The following PTPRG variants were observed in gnomAD, a reference collection of about 807,000 sequenced individuals.
The protein encoded by PTPRG is receptor-type tyrosine-protein phosphatase gamma.
PTPRG carries 102 observed loss-of-function variants against 165.3 expected under a neutral mutation model. The ratio of observed to expected loss-of-function variants is 0.62; its 90% CI spans 0.53 to 0.73. The LOEUF (loss-of-function observed/expected upper bound fraction) is 0.73. Ranked by LOEUF, PTPRG falls within the 30% of genes least tolerant of loss-of-function variation. PTPRG has a pLI of 0.00. For missense variants in PTPRG, 1,866 were observed against 1,861.4 expected, an observed-to-expected ratio of 1.00 and a Z score of -0.05; for synonymous variants, 675 against 669.5, an observed-to-expected ratio of 1.01 and a Z score of -0.13.
rs181195451 is a variant in PTPRG, at chr3:61,577,658, T to C, written c.85+15286T>C. On this transcript the variant is annotated intron_variant, in intron 1 of 29. Coordinates refer to ENST00000474889, the MANE Select transcript of PTPRG (RefSeq NM_002841.4). ...CTACCATAAAATTTTAAATTACACATGTGGCTCGCATTTGTAGCTCGCATT... is the reference window on the plus strand; with the variant it reads ...CTACCATAAAATTTTAAATTACACACGTGGCTCGCATTTGTAGCTCGCATT... Among the ~76,000 whole-genome samples, 6 of 152,346 alleles carry C rather than the reference T, an allele frequency of 3.9e-5. No individual in the cohort carries two copies. In the East Asian group the frequency reaches 1.2e-3, roughly 29 times the overall value.
At chr3:61,926,053 C>T in intron 2 of PTPRG, 3 of 425,742 alleles carry the variant, frequency 7.0e-6, no homozygotes, top group South Asian at 3.4e-5. Context: ...ATAGAAACCG[C>T]ATTTTAGCAA....
intron 1 of PTPRG, among the ~76,000 whole-genome samples, chr3:61,630,152 T>C (rs1701728807): frequency 6.6e-6 from 1 of 152,202 alleles, no homozygotes; most frequent in Non-Finnish European, 1.5e-5. Flanking sequence ...TAGATGATAT[T>C]ATTGGTTCAA....
chr3:62,087,302 G>T (rs1200774357), intron 5 of PTPRG, among the ~76,000 whole-genome samples: 1 of 152,104 alleles, frequency 6.6e-6, no homozygotes, highest in East Asian at 1.9e-4. Flanking sequence ...CCTAGATTTG[G>T]TCTTCCTGGA....
Position 61,766,616 on chromosome 3 carries a change from A to T in PTPRG, c.190+17634A>T, listed in dbSNP as rs113351585. Among the ~76,000 whole-genome samples the T allele has an allele frequency of 7.1e-3, 1,055 of 148,126 alleles. 5 individuals carry two copies. Among genetic ancestry groups the T allele is most frequent in the Admixed American group, 0.012 (172 of 14,830 alleles). ...TAACACCATTATTAATGTTAAAAAA[A>T]ATTTTTTTTTTTTTTCGTTTAAGAC... On this transcript the variant is annotated intron_variant, in intron 2 of 29. Coordinates refer to ENST00000474889, the MANE Select transcript of PTPRG (RefSeq NM_002841.4).
intron 2 of PTPRG, among the ~76,000 whole-genome samples, chr3:61,864,711 G>A (rs2037358920): frequency 1.3e-5 from 2 of 152,136 alleles, no homozygotes; most frequent in Non-Finnish European, 2.9e-5. Flanking sequence ...AATAACACAG[G>A]CGTTTTAAGG....
chr3:61,880,056 G>A (rs965926957), intron 2 of PTPRG, among the ~76,000 whole-genome samples: 1 of 152,142 alleles, frequency 6.6e-6, no homozygotes, highest in African/African-American at 2.4e-5. Flanking sequence ...ACTGCATTCT[G>A]TCATGAGACA....
intron 5 of PTPRG, among the ~76,000 whole-genome samples, chr3:62,131,541 A>G (rs1037977289): frequency 4.6e-5 from 7 of 152,250 alleles, no homozygotes; most frequent in African/African-American, 1.7e-4. Flanking sequence ...GGATTGTGCT[A>G]CACAGTGAAA....
At chr3:62,231,116 G>A in intron 13 of PTPRG, 109 bp from the exon 14 acceptor site, 1 of 738,912 alleles carries the variant, frequency 1.4e-6, no homozygotes, top group Admixed American at 4.0e-5. Flanking sequence ...CCTGATGACG[G>A]GGTCTGTCTG....
At chr3:62,159,509 G>A (rs1704665663) in intron 7 of PTPRG, among the ~76,000 whole-genome samples, 1 of 152,118 alleles carries the variant, frequency 6.6e-6, no homozygotes, top group Non-Finnish European at 1.5e-5. Context: ...ACAGTTTGGG[G>A]CTTGGATGTT....
rs1443163539 is a variant in PTPRG, at chr3:62,294,909, A to G, written c.*1602A>G. 2 of 152,104 alleles carry G rather than the reference A, an allele frequency of 1.3e-5. No individual in the cohort carries two copies. Among genetic ancestry groups the G allele is most frequent in the Admixed American group, 1.3e-4 (2 of 15,244 alleles). 9.4% of individuals were successfully genotyped at this position (152,104 alleles called of 1,614,324 possible). On this transcript the variant is annotated 3_prime_UTR_variant, in exon 30 of 30. Coordinates refer to ENST00000474889, the MANE Select transcript of PTPRG (RefSeq NM_002841.4). ...GATGATCAGCACTGAGGTTCTATTT[A>G]TCTTGATTTGGCTTTCATAAAGTTT...
intron 7 of PTPRG, among the ~76,000 whole-genome samples, chr3:62,160,644 GTTTTC>G (rs1704719670): frequency 6.6e-6 from 1 of 152,224 alleles, no homozygotes; most frequent in South Asian, 2.1e-4. Flanking sequence ...ACTAGGATTT[GTTTTC>G]TTCTAGAATA....
chr3:62,222,242 C>G lies in PTPRG; in HGVS notation c.2288+3259C>G, dbSNP rs1700668469. On this transcript the variant is annotated intron_variant, in intron 13 of 29. Transcript: ENST00000474889. This position sits in a 1 kb window ranked among gnomAD's most constrained non-coding sequence, Gnocchi z 4.5. ...GTTTGATTCATGGAATTGAGAAGTT[C>G]AGGAGCATTGGGCCTGGCTGAATTT... Among the ~76,000 whole-genome samples, 1 of 152,134 alleles carries G rather than the reference C, an allele frequency of 6.6e-6. No individual in the cohort carries two copies. The highest frequency in any genetic ancestry group is 1.5e-5 in the Non-Finnish European group (1 of 68,032).
At chr3:61,742,865 T>C (rs942826816) in intron 1 of PTPRG, 6 of 1,559,236 alleles carry the variant, frequency 3.8e-6, no homozygotes, top group African/African-American at 1.4e-5. Flanking sequence ...ATGTGGGGGA[T>C]ATCCACGGCC....
chr3:61,571,745 T>A (rs1700061688), intron 1 of PTPRG, among the ~76,000 whole-genome samples: 1 of 152,176 alleles, frequency 6.6e-6, no homozygotes, highest in Admixed American at 6.5e-5. Context: ...AATGCGGTAT[T>A]TTTACTGTCC....
At chr3:61,868,368 G>A (rs2037468779) in intron 2 of PTPRG, among the ~76,000 whole-genome samples, 1 of 152,142 alleles carries the variant, frequency 6.6e-6, no homozygotes, top group Non-Finnish European at 1.5e-5. Context: ...CTAGAAGAAA[G>A]GCATCATATC....
chr3:61,862,541 C>T (rs1273750833), intron 2 of PTPRG, among the ~76,000 whole-genome samples: 1 of 152,042 alleles, frequency 6.6e-6, no homozygotes, highest in Non-Finnish European at 1.5e-5. Context: ...GCATGCACCA[C>T]CACGCCCAGC....
chr3:61,924,038 A>G (rs908800444), intron 2 of PTPRG, among the ~76,000 whole-genome samples: 2 of 152,204 alleles, frequency 1.3e-5, no homozygotes, highest in African/African-American at 2.4e-5. Flanking sequence ...TTCTTATGCT[A>G]TAGAAAGCTA....
At chr3:61,752,785 C>CGAAAAAAAAAA (rs2033483306) in intron 2 of PTPRG, among the ~76,000 whole-genome samples, 1 of 69,980 alleles carries the variant, frequency 1.4e-5, no homozygotes, top group Non-Finnish European at 2.5e-5. Flanking sequence ...AAGACTGTCT[C>CGAAAAAAAAAA]AAAAAAAAAA....
At chr3:61,626,174 A>G (rs1002796869) in intron 1 of PTPRG, among the ~76,000 whole-genome samples, 6 of 152,194 alleles carry the variant, frequency 3.9e-5, no homozygotes, top group Non-Finnish European at 8.8e-5. Context: ...ATTGCTTCGT[A>G]GATGAATTAC....
Sources: gnomAD v4.1 joint callset for allele counts (sites outside exome capture counted in the v4.1 genomes callset) on GRCh38, gnomAD v4.1.1 for gene constraint, Gnocchi (gnomAD v3.1) non-coding constraint, MANE v1.5 for transcripts, NCBI Gene and HGNC (gene_info 2026-07-23, HGNC 2026-07-21) for gene names.